The following APC variants were observed in gnomAD, a reference collection of about 807,000 sequenced individuals.
APC encodes the protein adenomatous polyposis coli protein.
APC carries 72 observed loss-of-function variants against 247.0 expected under a neutral mutation model. That is an observed-to-expected ratio of 0.29 (90% confidence interval 0.24 to 0.35). APC has a LOEUF of 0.35. APC is among the 10% of genes least tolerant of loss of function. The pLI is 1.00. For synonymous variants in APC, 1,254 were observed against 1,162.5 expected (o/e 1.08, Z -1.60); for missense variants, 3,400 against 3,360.7 (o/e 1.01, Z -0.29).
intron 2 of APC, 128 bp from the exon 3 acceptor site, chr5:112,766,198 T>C: frequency 4.6e-6 from 3 of 648,666 alleles, no homozygotes; most frequent in South Asian, 1.8e-5. Context: ...ATAGGTAATA[T>C]ATATAAGGTG....
chr5:112,742,505 C>T (rs1474083948), intron 1 of APC, among the ~76,000 whole-genome samples: 4 of 152,188 alleles, frequency 2.6e-5, no homozygotes, highest in East Asian at 3.9e-4. Context: ...ATGTCAGTCA[C>T]AGATACAGTC....
intron 1 of APC, among the ~76,000 whole-genome samples, chr5:112,717,908 CTTTTTTTTTTTTTTTTTTTTT>C: frequency 4.9e-5 from 2 of 40,634 alleles, no homozygotes; most frequent in African/African-American, 1.8e-4. Context: ...TTTTCTTTTT[CTTTTTTTTTTTTTTTTTTTTT>C]TTTTTTTTGC....
chr5:112,722,563 T>TC (rs1251547852), intron 1 of APC, among the ~76,000 whole-genome samples: 1 of 151,436 alleles, frequency 6.6e-6, no homozygotes, highest in Admixed American at 6.6e-5. Flanking sequence ...ACCCCCTCCT[T>TC]CCCCCCAGTC....
At chr5:112,835,613 C>T (rs1466953877) in intron 15 of APC, among the ~76,000 whole-genome samples, 1 of 148,856 alleles carries the variant, frequency 6.7e-6, no homozygotes, top group African/African-American at 2.5e-5. Context: ...CACTCTGTCT[C>T]CCAGACTGGA....
chr5:112,755,090 T>C (rs896107908), intron 2 of APC, 65 bp downstream of exon 2: 77 of 1,604,670 alleles, frequency 4.8e-5, no homozygotes, highest in Middle Eastern at 3.3e-4. Context: ...TCTTGTAAAC[T>C]TGAGGTAAGA....
At chr5:112,786,550 A>G (rs1758970244) in intron 6 of APC, among the ~76,000 whole-genome samples, 1 of 152,152 alleles carries the variant, frequency 6.6e-6, no homozygotes, top group African/African-American at 2.4e-5. Flanking sequence ...TACTACTGGG[A>G]TGTGGGAATT....
intron 8 of APC, 75 bp downstream of exon 8, chr5:112,801,458 A>T (rs539167973): frequency 1.8e-6 from 2 of 1,104,204 alleles, no homozygotes; most frequent in South Asian, 2.8e-5. Context: ...TGGTTCTAAG[A>T]ATGATCTATA....
Position 112,780,783 on chromosome 5 carries a change from G to C in APC, c.532-7G>C, listed in dbSNP as rs1057520840. ...TATTGATACTTTTTTATTATTTGTG[G>C]TTTTAGTTTTCCTTACAAACAGATA... is the stretch of plus-strand genomic sequence containing the variant. On this transcript the variant is annotated splice_region_variant and splice_polypyrimidine_tract_variant and intron_variant, in intron 5 of 15. Transcript: ENST00000257430. 1.0e-5 allele frequency: 16 copies of C among 1,583,122 alleles called. No individual in the cohort carries two copies. Among genetic ancestry groups the C allele is most frequent in the Non-Finnish European group, 1.4e-5 (16 of 1,153,350 alleles).
intron 15 of APC, among the ~76,000 whole-genome samples, chr5:112,836,165 T>TTCTCCC (rs1554083526): frequency 4.1e-5 from 1 of 24,478 alleles, no homozygotes; most frequent in Non-Finnish European, 8.5e-5. Flanking sequence ...GGATTACAGG[T>TTCTCCC]CCCCCCCCCC....
upstream of APC, among the ~76,000 whole-genome samples, chr5:112,735,322 C>T (rs1398323660): frequency 6.6e-6 from 1 of 151,994 alleles, no homozygotes; most frequent in African/African-American, 2.4e-5. Context: ...ACCACAGGCG[C>T]GTGTCACCAC....
At chr5:112,836,136 T>G (rs569959911) in intron 15 of APC, among the ~76,000 whole-genome samples, 3 of 96,642 alleles carry the variant, frequency 3.1e-5, no homozygotes, top group South Asian at 9.2e-4. Context: ...TTCTCCTGCC[T>G]CAGCCTCCCG....
At chr5:112,723,748 A>G (rs1057185555) in intron 1 of APC, among the ~76,000 whole-genome samples, 16 of 152,238 alleles carry the variant, frequency 1.1e-4, no homozygotes, top group African/African-American at 3.9e-4. Flanking sequence ...TTCTAGAGGA[A>G]AATGAATTCA....
At chr5:112,785,799 C>T (rs758833603) in intron 6 of APC, among the ~76,000 whole-genome samples, 25 of 152,058 alleles carry the variant, frequency 1.6e-4, no homozygotes, top group Non-Finnish European at 3.1e-4. Flanking sequence ...AGAAATTAAA[C>T]CCTTACCTCA....
chr5:112,834,014 C>T (rs963609343), intron 14 of APC, among the ~76,000 whole-genome samples: 3 of 151,782 alleles, frequency 2.0e-5, no homozygotes, highest in Non-Finnish European at 2.9e-5. Context: ...TGCAGTGGCG[C>T]GATCATGGCT....
chr5:112,777,475 ATTTG>A (rs1757787558), intron 5 of APC, among the ~76,000 whole-genome samples: 1 of 152,190 alleles, frequency 6.6e-6, no homozygotes, highest in Admixed American at 6.5e-5. Flanking sequence ...GCTTTTATTT[ATTTG>A]TTCAAAGTGA....
At chr5:112,708,860 T>C (rs1054815706) in intron 1 of APC, among the ~76,000 whole-genome samples, 3 of 152,196 alleles carry the variant, frequency 2.0e-5, no homozygotes, top group African/African-American at 7.2e-5. Context: ...CTCCCTCCTT[T>C]ATTAGTGGAG....
intron 4 of APC, among the ~76,000 whole-genome samples, chr5:112,768,080 G>A (rs993297343): frequency 5.4e-5 from 6 of 112,020 alleles, no homozygotes; most frequent in African/African-American, 2.0e-4. Context: ...TTTCACTTTT[G>A]TTGCCCAGGC....
chr5:112,800,265 T>C (rs984379630), intron 7 of APC, among the ~76,000 whole-genome samples: 2 of 152,214 alleles, frequency 1.3e-5, no homozygotes, highest in African/African-American at 4.8e-5. Context: ...GTCTCTAGGT[T>C]GACTTTATGT....
intron 1 of APC, among the ~76,000 whole-genome samples, chr5:112,730,580 A>G (rs1228278631): frequency 6.6e-6 from 1 of 152,246 alleles, no homozygotes; most frequent in Non-Finnish European, 1.5e-5. Flanking sequence ...CCACTGGTTT[A>G]GAAGCATATT....
Sources: gnomAD v4.1 joint callset for allele counts (sites outside exome capture counted in the v4.1 genomes callset) on GRCh38, gnomAD v4.1.1 for gene constraint, MANE v1.5 for transcripts, NCBI Gene and HGNC (gene_info 2026-07-23, HGNC 2026-07-21) for gene names.